Variants in BEND3 observed in about 807,000 individuals in gnomAD.
BEND3 encodes BEN domain-containing protein 3.
A neutral mutation model predicts 60.1 loss-of-function variants in BEND3; 13 were observed. That is an observed-to-expected ratio of 0.22 (90% CI 0.14 to 0.34). The LOEUF is 0.34. Among genes scored for constraint, BEND3 ranks in the 10% least tolerant of loss-of-function variants. The probability of loss-of-function intolerance (pLI) is 1.00; values close to 1 mark genes in which losing one functional copy is unlikely to be tolerated. For missense variants in BEND3, 896 were observed against 1,138.1 expected (o/e 0.79, Z 3.06); for synonymous variants, 497 against 491.5 (o/e 1.01, Z -0.15).
chr6:107,066,361 G>A lies in BEND3; in HGVS notation c.*2343C>T, dbSNP rs1315764302. ...CCTGACGACAGTCCAGAGATGGTGA[G>A]AGTTCCCACGTGTGTCCACTTCTCT... On this transcript the variant is annotated 3_prime_UTR_variant, in exon 4 of 4. Coordinates refer to ENST00000369042, the MANE Select transcript of BEND3 (RefSeq NM_001367314.1). The A allele has an allele frequency of 6.6e-6, 1 of 152,498 alleles. No individual in the cohort carries two copies. Among genetic ancestry groups the A allele is most frequent in the Non-Finnish European group, 1.5e-5 (1 of 68,034 alleles). The allele number at this position is 152,498 out of a possible 1,614,324, so 9.4% of individuals were successfully genotyped here.
rs1775631479 is a variant in BEND3, at chr6:107,098,379, T to TA, written c.240+171dup. ...TCCCAACACAAACAAGAATTCCAGT[T>TA]AAAGACAGACACTTTCGAGAAACTG... On this transcript the variant is annotated intron_variant, in intron 3 of 3. Transcript: ENST00000369042. Among the ~76,000 whole-genome samples, 6 of 152,204 alleles carry TA rather than the reference T, an allele frequency of 3.9e-5. No homozygotes were observed. The South Asian group carries it at 1.2e-3, about 31-fold the overall frequency.
intron 1 of BEND3, among the ~76,000 whole-genome samples, chr6:107,111,469 C>T (rs953999542): frequency 6.6e-6 from 1 of 151,554 alleles, no homozygotes; most frequent in African/African-American, 2.4e-5. Flanking sequence ...CGAGATTGTG[C>T]CACTGCATTC....
chr6:107,086,135 G>A (rs1283422015), intron 3 of BEND3, among the ~76,000 whole-genome samples: 3 of 152,140 alleles, frequency 2.0e-5, no homozygotes, highest in Non-Finnish European at 4.4e-5. Flanking sequence ...TTTAACGTGA[G>A]CTAAACCTGC....
chr6:107,075,966 T>G (rs182854010), intron 3 of BEND3, among the ~76,000 whole-genome samples: 1 of 152,312 alleles, frequency 6.6e-6, no homozygotes, highest in Admixed American at 6.5e-5. Flanking sequence ...CCACCAAGCA[T>G]GTTAGAAACA....
At chr6:107,096,333 C>T (rs560277081) in intron 3 of BEND3, among the ~76,000 whole-genome samples, 6 of 152,242 alleles carry the variant, frequency 3.9e-5, no homozygotes, top group Non-Finnish European at 7.4e-5. Flanking sequence ...TAGAATTGGC[C>T]GGGCATAGTG....
intron 1 of BEND3, among the ~76,000 whole-genome samples, chr6:107,113,053 G>A (rs1554238729): frequency 6.6e-6 from 1 of 152,072 alleles, no homozygotes; most frequent in East Asian, 1.9e-4. Context: ...AGCTACTCGG[G>A]AGGCTGTGGC....
intron 3 of BEND3, among the ~76,000 whole-genome samples, chr6:107,088,785 T>C (rs1015644753): frequency 1.3e-5 from 2 of 151,898 alleles, no homozygotes; most frequent in Admixed American, 1.3e-4. Context: ...ATCTGAAAAA[T>C]AAATCAAGAA....
intron 1 of BEND3, among the ~76,000 whole-genome samples, chr6:107,109,633 GGAGGCT>G (rs552220391): frequency 6.4e-4 from 98 of 151,962 alleles, no homozygotes; most frequent in African/African-American, 2.3e-3. Context: ...CAGCACTTTG[GGAGGCT>G]GAGGCGGACG....
chr6:107,097,660 C>T (rs1554236175), intron 3 of BEND3, among the ~76,000 whole-genome samples: 2 of 151,110 alleles, frequency 1.3e-5, no homozygotes, highest in African/African-American at 2.4e-5. Context: ...CATGGTGGCG[C>T]ATGCCTGTAA....
chr6:107,108,807 G>A (rs1184111053), intron 1 of BEND3, among the ~76,000 whole-genome samples: 4 of 152,108 alleles, frequency 2.6e-5, no homozygotes, highest in Admixed American at 2.6e-4. Flanking sequence ...TAAGAGGGTT[G>A]ATTGATTGAT....
chr6:107,086,064 G>C (rs535788516), intron 3 of BEND3, among the ~76,000 whole-genome samples: 1 of 152,196 alleles, frequency 6.6e-6, no homozygotes, highest in South Asian at 2.1e-4. Flanking sequence ...TGGGATTACA[G>C]GCATGAGCCA....
rs1320966138 is a variant in BEND3, at chr6:107,066,526, A to T, written c.*2178T>A. On this transcript the variant is annotated 3_prime_UTR_variant, in exon 4 of 4. Transcript: ENST00000369042. Reference sequence around the variant, plus strand: ...CATATTTAATTCCTAGAACCTGTTGATTTCTCTAACAGGGGTAGATGGGAG... The same window carrying T: ...CATATTTAATTCCTAGAACCTGTTGTTTTCTCTAACAGGGGTAGATGGGAG... 6.6e-6 allele frequency: 1 copy of T among 152,636 alleles called. No individual in the cohort carries two copies. Among genetic ancestry groups the T allele is most frequent in the African/African-American group, 2.4e-5 (1 of 41,454 alleles). The allele number at this position is 152,636 out of a possible 1,614,324, so 9.5% of individuals were successfully genotyped here. A position where few individuals can be genotyped will look rare whatever the true frequency, so the allele number is the denominator to read the frequency against.
intron 3 of BEND3, among the ~76,000 whole-genome samples, chr6:107,085,152 G>A (rs1554234026): frequency 6.6e-6 from 1 of 152,092 alleles, no homozygotes; most frequent in Non-Finnish European, 1.5e-5. Flanking sequence ...GCGAAGGTCT[G>A]CGGCTTCACT....
chr6:107,072,635 C>T (rs1775006999), intron 3 of BEND3, among the ~76,000 whole-genome samples: 1 of 152,090 alleles, frequency 6.6e-6, no homozygotes, highest in South Asian at 2.1e-4. Context: ...AACCAAGAGC[C>T]CAAATAAACA....
rs969665081 is a variant in BEND3, at chr6:107,068,481, G to A, written c.*223C>T. 2.6e-5 allele frequency: 14 copies of A among 539,330 alleles called. No individual in the cohort carries two copies. Among genetic ancestry groups the A allele is most frequent in the East Asian group, 1.6e-4 (5 of 30,524 alleles). The allele number at this position is 539,330 out of a possible 1,614,324, so 33.4% of individuals were successfully genotyped here. A position where few individuals can be genotyped will look rare whatever the true frequency, so the allele number is the denominator to read the frequency against. On this transcript the variant is annotated 3_prime_UTR_variant, in exon 4 of 4. Coordinates refer to ENST00000369042, the MANE Select transcript of BEND3 (RefSeq NM_001367314.1). This position sits in a 1 kb window ranked among gnomAD's most constrained non-coding sequence, Gnocchi z 5.8. ...CTCCCCACACTCAGGCTGCCCCGCC[G>A]GGGCACATAGGACAGAAGTTGTAAG...
intron 3 of BEND3, among the ~76,000 whole-genome samples, chr6:107,096,130 G>A (rs1320217740): frequency 4.6e-5 from 7 of 152,148 alleles, no homozygotes; most frequent in African/African-American, 1.7e-4. Context: ...ACATGCAGGG[G>A]TAAGGAAGTA....
rs529229494 is a variant in BEND3 at position 107,071,077 on chromosome 6, C to T, written c.241-127G>A. 3 of 842,354 alleles carry T rather than the reference C, an allele frequency of 3.6e-6. No homozygotes were observed. The African/African-American group carries it at 5.1e-5, about 14-fold the overall frequency. The allele number at this position is 842,354 out of a possible 1,614,324, so 52.2% of individuals were successfully genotyped here. A position where few individuals can be genotyped will look rare whatever the true frequency, so the allele number is the denominator to read the frequency against. Reference sequence around the variant, plus strand: ...GAGCATGTAAGAAACTGATTCCTCACCCTGAATCACTCTGTCATCCAAGGA... The same window carrying T: ...GAGCATGTAAGAAACTGATTCCTCATCCTGAATCACTCTGTCATCCAAGGA... On this transcript the variant is annotated intron_variant, in intron 3 of 3. Transcript: ENST00000369042.
intron 3 of BEND3, among the ~76,000 whole-genome samples, chr6:107,082,926 C>T (rs62429993): frequency 8.5e-5 from 13 of 152,166 alleles, no homozygotes; most frequent in African/African-American, 3.1e-4. Context: ...TTGGGAGTTC[C>T]TTTAGGAAAT....
intron 1 of BEND3, among the ~76,000 whole-genome samples, chr6:107,102,740 G>C (rs1397402237): frequency 6.6e-6 from 1 of 152,206 alleles, no homozygotes; most frequent in Non-Finnish European, 1.5e-5. Context: ...CCTGCCCCTG[G>C]CTTGCGCAGT....
Sources: gnomAD v4.1 joint callset for allele counts (sites outside exome capture counted in the v4.1 genomes callset) on GRCh38, gnomAD v4.1.1 for gene constraint, Gnocchi (gnomAD v3.1) non-coding constraint, MANE v1.5 for transcripts, NCBI Gene and HGNC (gene_info 2026-07-23, HGNC 2026-07-21) for gene names.